RALYL: variants seen among roughly 807,000 people sequenced by gnomAD.
RALYL encodes RALY RNA binding protein like.
Under a neutral mutation model 35.1 loss-of-function variants are expected in RALYL, and 29 were observed. That is an observed-to-expected ratio of 0.83 (90% CI 0.61 to 1.13). The LOEUF is 1.13. RALYL is among the 50% of genes most tolerant of loss of function. The probability of loss-of-function intolerance (pLI) is 0.00; values close to 1 mark genes in which losing one functional copy is unlikely to be tolerated. For synonymous variants in RALYL, 120 were observed against 127.6 expected (o/e 0.94, Z 0.40); for missense variants, 359 against 360.4 (o/e 1.00, Z 0.03).
At chr8:84,773,192 C>CT (rs1465498141) in intron 2 of RALYL, among the ~76,000 whole-genome samples, 3 of 152,130 alleles carry the variant, frequency 2.0e-5, no homozygotes, top group African/African-American at 7.2e-5. Flanking sequence ...GTGCAGTGTT[C>CT]TTTTTCCATT....
intron 1 of RALYL, among the ~76,000 whole-genome samples, chr8:84,440,478 T>C (rs2048215021): frequency 6.6e-6 from 1 of 152,046 alleles, no homozygotes; most frequent in Admixed American, 6.6e-5. Flanking sequence ...TGCAGGTACA[T>C]AGAAATCACT....
chr8:84,808,736 A>G (rs1441818585), intron 4 of RALYL, among the ~76,000 whole-genome samples: 1 of 152,048 alleles, frequency 6.6e-6, no homozygotes, highest in African/African-American at 2.4e-5. Flanking sequence ...GGTTAGGTAT[A>G]TTCCTAAGTA....
chr8:84,892,149 T>A (rs1269170575), intron 8 of RALYL, among the ~76,000 whole-genome samples: 1 of 152,176 alleles, frequency 6.6e-6, no homozygotes, highest in Non-Finnish European at 1.5e-5. Flanking sequence ...TTAGTGAAAA[T>A]GATTTCCATG....
rs556261040 is a variant in RALYL, at chr8:84,512,324, A to G, written c.-23-16975A>G. 2.0e-5 allele frequency among the ~76,000 whole-genome samples: 3 copies of G among 152,002 alleles called. No homozygotes were observed. The South Asian group carries it at 6.3e-4, about 32-fold the overall frequency. ...GTTAATGATGTTGAATGTTTTTCAT[A>G]TACCTACTGGCCATTTTTTTGGTTT... On this transcript the variant is annotated intron_variant, in intron 1 of 8. Coordinates refer to ENST00000521268, the MANE Select transcript of RALYL (RefSeq NM_173848.7).
At chr8:84,689,260 G>A (rs371507263) in intron 2 of RALYL, among the ~76,000 whole-genome samples, 21 of 152,014 alleles carry the variant, frequency 1.4e-4, no homozygotes, top group African/African-American at 4.8e-4. Flanking sequence ...CCCAGAGTGT[G>A]ATGTTCCCCT....
At chr8:84,526,471 G>C (rs543467972) in intron 1 of RALYL, among the ~76,000 whole-genome samples, 2 of 152,270 alleles carry the variant, frequency 1.3e-5, no homozygotes, top group South Asian at 4.1e-4. Context: ...CTGCACTGCT[G>C]CTGGTAGGAA....
In RALYL at chr8:84,210,753, C is replaced by T. The variant is rs1586204334; in HGVS notation, c.-24+26329C>T. Among the ~76,000 whole-genome samples, 5 of 152,188 alleles carry T rather than the reference C, an allele frequency of 3.3e-5. No individual in the cohort carries two copies. The South Asian group carries it at 1.0e-3, about 32-fold the overall frequency. The stretch of plus-strand genomic sequence containing the variant: ...TATTTTCACCAACTTAATTTTTCAG[C>T]AAGGCTCTATGCCATTCATGCTTGT... On this transcript the variant is annotated intron_variant, in intron 1 of 8. Transcript: ENST00000521268.
chr8:84,444,503 C>A (rs1265592140), intron 1 of RALYL, among the ~76,000 whole-genome samples: 2 of 152,010 alleles, frequency 1.3e-5, no homozygotes, highest in Non-Finnish European at 2.9e-5. Flanking sequence ...AGAATACCAG[C>A]AGAGTTTTCA....
chr8:84,670,159 T>C (rs1264936935), intron 2 of RALYL, among the ~76,000 whole-genome samples: 2 of 152,102 alleles, frequency 1.3e-5, no homozygotes, highest in Non-Finnish European at 2.9e-5. Flanking sequence ...CCTCTTGCAC[T>C]AATTTCCCAC....
chr8:84,507,267 G>A (rs1393122240), intron 1 of RALYL, among the ~76,000 whole-genome samples: 1 of 151,904 alleles, frequency 6.6e-6, no homozygotes, highest in African/African-American at 2.4e-5. Context: ...TTGACTGCAG[G>A]TACACAGAAT....
At chr8:84,533,505 A>T (rs1027383783) in intron 2 of RALYL, among the ~76,000 whole-genome samples, 1 of 152,152 alleles carries the variant, frequency 6.6e-6, no homozygotes, top group Admixed American at 6.6e-5. Flanking sequence ...TTATATTCGG[A>T]TTATTTTACT....
chr8:84,662,605 G>T (rs1378259755), intron 2 of RALYL, among the ~76,000 whole-genome samples: 1 of 152,158 alleles, frequency 6.6e-6, no homozygotes, highest in East Asian at 1.9e-4. Context: ...GCTTATAATT[G>T]TTTAAACTGG....
intron 1 of RALYL, among the ~76,000 whole-genome samples, chr8:84,427,607 T>C (rs1013332418): frequency 6.6e-6 from 1 of 152,220 alleles, no homozygotes; most frequent in Non-Finnish European, 1.5e-5. Flanking sequence ...TTAGGCATCC[T>C]GTGCCTTAGC....
chr8:84,453,418 T>C (rs997648296), intron 1 of RALYL, among the ~76,000 whole-genome samples: 3 of 152,016 alleles, frequency 2.0e-5, no homozygotes, highest in Admixed American at 2.0e-4. Flanking sequence ...TATTTTATCA[T>C]GCAATTGATT....
At chr8:84,411,212 G>A (rs2044064513) in intron 1 of RALYL, among the ~76,000 whole-genome samples, 1 of 151,730 alleles carries the variant, frequency 6.6e-6, no homozygotes, top group Admixed American at 6.6e-5. Flanking sequence ...CCCAATGTCT[G>A]CTTTCTCCAC....
intron 2 of RALYL, among the ~76,000 whole-genome samples, chr8:84,605,642 C>A (rs778173835): frequency 1.3e-5 from 2 of 152,110 alleles, no homozygotes; most frequent in Admixed American, 1.3e-4. Context: ...TACATTGGGT[C>A]TATTATTAGT....
rs191715262 is a variant in RALYL at position 84,780,359 on chromosome 8, C to G, written c.332+5705C>G. ...AGTCTCTTTCTGCTCAGGATCCTAT[C>G]TTTCCTGTGCAACCAAATTACTAAT... is the stretch of plus-strand genomic sequence containing the variant. On this transcript the variant is annotated intron_variant, in intron 3 of 8. Transcript: ENST00000521268. 1.2e-4 allele frequency among the ~76,000 whole-genome samples: 19 copies of G among 152,318 alleles called. No individual in the cohort carries two copies. The East Asian group carries it at 3.7e-3, about 29-fold the overall frequency.
At chr8:84,863,474 C>T (rs1383037232) in intron 6 of RALYL, among the ~76,000 whole-genome samples, 1 of 152,094 alleles carries the variant, frequency 6.6e-6, no homozygotes, top group Non-Finnish European at 1.5e-5. Context: ...GGTAAGCCGC[C>T]GTAGAGACTT....
At position 84,590,331 on chromosome 8, in the gene RALYL, A is replaced by G. The variant is rs563674993; in HGVS notation, c.256+60754A>G. Among the ~76,000 whole-genome samples, 69 of 152,318 alleles carry G rather than the reference A, an allele frequency of 4.5e-4. 2 individuals are homozygous for G. The highest frequency in any genetic ancestry group is 5.6e-4 in the Non-Finnish European group (38 of 68,024). ...TTCTACAGGATATCTCATGATCATA[A>G]AATTATGTTGGAACCCTTCTATAGT... is the stretch of plus-strand genomic sequence containing the variant. On this transcript the variant is annotated intron_variant, in intron 2 of 8. Coordinates refer to ENST00000521268, the MANE Select transcript of RALYL (RefSeq NM_173848.7).
Sources: gnomAD v4.1 joint callset for allele counts (sites outside exome capture counted in the v4.1 genomes callset) on GRCh38, gnomAD v4.1.1 for gene constraint, MANE v1.5 for transcripts, NCBI Gene and HGNC (gene_info 2026-07-23, HGNC 2026-07-21) for gene names.